MCMDC2: variants seen among roughly 807,000 people sequenced by gnomAD.
The protein encoded by MCMDC2 is minichromosome maintenance domain-containing protein 2.
Under a neutral mutation model 75.8 loss-of-function variants are expected in MCMDC2, and 54 were observed. The ratio of observed to expected loss-of-function variants is 0.71; its 90% CI spans 0.57 to 0.89. The LOEUF (loss-of-function observed/expected upper bound fraction) is 0.89. Among genes scored for constraint, MCMDC2 ranks in the 40% least tolerant of loss-of-function variants. MCMDC2 has a pLI of 0.00. For synonymous variants in MCMDC2, 249 were observed against 274.6 expected (o/e 0.91, Z 0.92); for missense variants, 656 against 780.4 (o/e 0.84, Z 1.90).
chr8:66,886,942 T>A (rs1250620652), intron 9 of MCMDC2, among the ~76,000 whole-genome samples: 1 of 152,172 alleles, frequency 6.6e-6, no homozygotes. Flanking sequence ...AAATGATATG[T>A]CATTGTTCTA....
At chr8:66,895,334 G>T (rs187444712) in intron 10 of MCMDC2, among the ~76,000 whole-genome samples, 1 of 151,704 alleles carries the variant, frequency 6.6e-6, no homozygotes, top group East Asian at 1.9e-4. Context: ...GTGGTCCTCC[G>T]CAATGGCCCT....
At chr8:66,911,391 T>C (rs1245659593) in intron 14 of MCMDC2, among the ~76,000 whole-genome samples, 1 of 152,204 alleles carries the variant, frequency 6.6e-6, no homozygotes, top group African/African-American at 2.4e-5. Flanking sequence ...GTAAGTGTCC[T>C]GTGGCCTCCT....
chr8:66,877,470 C>G lies in MCMDC2; in HGVS notation c.407C>G (p.Ala136Gly). Reference protein sequence around the residue: ...RFYMMQGIVIAMTTITKYTQG... With the variant: ...RFYMMQGIVIGMTTITKYTQG... ...TATATGATGCAAGGAATTGTGATTG[C>G]AATGACAACTATAACCAAGTATACA... Residue 136 changes from alanine to glycine, a missense_variant, in exon 5 of 15, where the codon GCA becomes GGA. By Grantham distance (60) the Ala-to-Gly change is moderately conservative. Coordinates refer to ENST00000422365, the MANE Select transcript of MCMDC2 (RefSeq NM_173518.5). 1 of 1,613,262 alleles carries G rather than the reference C, an allele frequency of 6.2e-7. No homozygotes were observed. The highest frequency in any genetic ancestry group is 8.5e-7 in the Non-Finnish European group (1 of 1,179,622).
In MCMDC2 at chr8:66,890,402, C is replaced by T. The variant is rs536893877; in HGVS notation, c.1074-463C>T. On this transcript the variant is annotated intron_variant, in intron 9 of 14. Coordinates refer to ENST00000422365, the MANE Select transcript of MCMDC2 (RefSeq NM_173518.5). ...TCTAAAGACTTTTTTTTTTTTTACA[C>T]GGAGTCTTGCTCTGTCACCAGGATG... Among the ~76,000 whole-genome samples the T allele has an allele frequency of 2.4e-4, 36 of 151,760 alleles. No homozygotes were observed. In the East Asian group the frequency reaches 2.5e-3, roughly 11 times the overall value.
intron 1 of MCMDC2, among the ~76,000 whole-genome samples, chr8:66,872,729 G>A (rs1811081470): frequency 6.6e-6 from 1 of 151,880 alleles, no homozygotes; most frequent in Non-Finnish European, 1.5e-5. Context: ...AGGCCAAGGC[G>A]GGCAGATCAC....
intron 4 of MCMDC2, among the ~76,000 whole-genome samples, chr8:66,876,828 T>G (rs143625915): frequency 0.036 from 5,515 of 152,230 alleles, 107 homozygotes; most frequent in Admixed American, 0.047. Flanking sequence ...TGGCGCGACC[T>G]CGGCTCACTG....
In MCMDC2 at chr8:66,921,023, C is replaced by A. The variant is rs187893793; in HGVS notation, c.*1854C>A. The A allele has an allele frequency of 2.1e-3, 327 of 152,190 alleles. 1 individual carries two copies. Among genetic ancestry groups the A allele is most frequent in the African/African-American group, 6.2e-3 (257 of 41,480 alleles). The allele number at this position is 152,190 out of a possible 1,614,324, so 9.4% of individuals were successfully genotyped here. On this transcript the variant is annotated 3_prime_UTR_variant, in exon 15 of 15. Coordinates refer to ENST00000422365, the MANE Select transcript of MCMDC2 (RefSeq NM_173518.5). ...TATATACATATTTATATGTAGCTGTCACCCAAGCTGTAGTGTACTGATGCA... is the reference window on the plus strand; with the variant it reads ...TATATACATATTTATATGTAGCTGTAACCCAAGCTGTAGTGTACTGATGCA...
intron 4 of MCMDC2, among the ~76,000 whole-genome samples, chr8:66,875,993 A>G (rs1811265526): frequency 6.6e-6 from 1 of 152,218 alleles, no homozygotes; most frequent in Non-Finnish European, 1.5e-5. Flanking sequence ...TAATAGTATA[A>G]TGTATTACAT....
intron 4 of MCMDC2, among the ~76,000 whole-genome samples, chr8:66,876,518 T>G (rs74617947): frequency 0.02 from 3,070 of 152,186 alleles, 65 homozygotes; most frequent in South Asian, 0.044. Context: ...TGGGGGTCCC[T>G]TCAAGGTTGC....
intron 12 of MCMDC2, among the ~76,000 whole-genome samples, chr8:66,899,965 C>CA (rs545662743): frequency 0.048 from 6,784 of 141,384 alleles, 193 homozygotes; most frequent in African/African-American, 0.08. Context: ...ACTAAAAATA[C>CA]AAAAAAAAAC....
chr8:66,924,106 A>G (rs1026188642), downstream of MCMDC2, among the ~76,000 whole-genome samples: 1 of 152,118 alleles, frequency 6.6e-6, no homozygotes, highest in African/African-American at 2.4e-5. Context: ...TGCACTACCA[A>G]TTTTATCAAT....
Position 66,919,125 on chromosome 8 carries a change from G to A in MCMDC2, c.2002G>A (p.Ala668Thr). 2 of 1,550,392 alleles carry A rather than the reference G, an allele frequency of 1.3e-6. No homozygotes were observed. Among genetic ancestry groups the A allele is most frequent in the East Asian group, 4.9e-5 (2 of 40,844 alleles). The change falls in exon 15 of 15, where the codon GCC becomes ACC. Residue 668 changes from alanine (A) to threonine (T), a missense_variant. Coordinates refer to ENST00000422365, the MANE Select transcript of MCMDC2 (RefSeq NM_173518.5). The part of the protein sequence containing the change: ...QCQQQLEQFI[A>T]TYGPGTTIFS... ...CCAACAACAGCTGGAACAATTTATTGCCACATATGGACCTGGGACAACTAT... is the reference window on the plus strand; with the variant it reads ...CCAACAACAGCTGGAACAATTTATTACCACATATGGACCTGGGACAACTAT...
intron 14 of MCMDC2, among the ~76,000 whole-genome samples, chr8:66,915,874 G>GA (rs1405628783): frequency 1.3e-5 from 2 of 151,812 alleles, no homozygotes; most frequent in African/African-American, 4.9e-5. Flanking sequence ...CTAGAATGTA[G>GA]AAAGAAAATC....
chr8:66,896,059 C>A, intron 10 of MCMDC2, 111 bp from the exon 11 acceptor site: 1 of 934,760 alleles, frequency 1.1e-6, no homozygotes, highest in Non-Finnish European at 1.5e-6. Context: ...TACTTTCTTT[C>A]ACTATCCAAA....
intron 7 of MCMDC2, among the ~76,000 whole-genome samples, chr8:66,879,461 C>G (rs980378348): frequency 1.3e-5 from 2 of 151,612 alleles, no homozygotes; most frequent in African/African-American, 4.9e-5. Flanking sequence ...GGTGTGGTGA[C>G]GGATGCCTGT....
chr8:66,919,119 T>G lies in MCMDC2; in HGVS notation c.1996T>G (p.Phe666Val). The G allele has an allele frequency of 1.3e-6, 2 of 1,550,528 alleles. No individual in the cohort carries two copies. Among genetic ancestry groups the G allele is most frequent in the Non-Finnish European group, 1.7e-6 (2 of 1,146,482 alleles). The change falls in exon 15 of 15, where the codon TTT becomes GTT. Residue 666 changes from phenylalanine (F) to valine (V), a missense_variant. Coordinates refer to ENST00000422365, the MANE Select transcript of MCMDC2 (RefSeq NM_173518.5). ...LTQCQQQLEQ[F>V]IATYGPGTTI... ...TCAGTGCCAACAACAGCTGGAACAA[T>G]TTATTGCCACATATGGACCTGGGAC...
chr8:66,903,970 A>T (rs1812806119), intron 13 of MCMDC2, among the ~76,000 whole-genome samples: 1 of 152,162 alleles, frequency 6.6e-6, no homozygotes, highest in African/African-American at 2.4e-5. Flanking sequence ...CAGACTCCCT[A>T]GTATAAGTGT....
intron 13 of MCMDC2, among the ~76,000 whole-genome samples, chr8:66,904,333 A>C (rs1812824066): frequency 6.6e-6 from 1 of 152,166 alleles, no homozygotes; most frequent in African/African-American, 2.4e-5. Flanking sequence ...AGCAATCAAA[A>C]AGTTATCTTT....
At chr8:66,881,707 C>T (rs956987043) in intron 8 of MCMDC2, among the ~76,000 whole-genome samples, 4 of 151,874 alleles carry the variant, frequency 2.6e-5, no homozygotes, top group Non-Finnish European at 5.9e-5. Context: ...AAATAAAAAG[C>T]GTCCTTTTCC....
Sources: allele counts gnomAD v4.1 joint callset (sites outside exome capture counted in the v4.1 genomes callset), GRCh38; gene constraint gnomAD v4.1.1; transcripts MANE v1.5; gene names NCBI Gene and HGNC (gene_info 2026-07-23, HGNC 2026-07-21).